Variants in NAALADL2 observed in about 807,000 individuals in gnomAD.
NAALADL2 encodes the protein inactive N-acetylated-alpha-linked acidic dipeptidase-like protein 2.
NAALADL2 carries 76 observed loss-of-function variants against 87.2 expected under a neutral mutation model. The ratio of observed to expected loss-of-function variants is 0.87; its 90% CI spans 0.72 to 1.05. The LOEUF (loss-of-function observed/expected upper bound fraction) is 1.05, where lower values mean the gene tolerates loss of function less well. Ranked by LOEUF, NAALADL2 falls within the 50% of genes least tolerant of loss-of-function variation. The pLI is 0.00. For synonymous variants in NAALADL2, 354 were observed against 331.0 expected (o/e 1.07, Z -0.75); for missense variants, 1,089 against 945.8 (o/e 1.15, Z -1.99).
At position 175,513,957 on chromosome 3, in the gene NAALADL2, C is replaced by T. The variant is rs7636264; in HGVS notation, c.1653+42199C>T. On this transcript the variant is annotated intron_variant, in intron 9 of 13. Transcript: ENST00000454872. ...GGGAGACAAAGCTAGACATAAGAAC[C>T]AGATGTGAGCAGTGAATCAACCACA... 4.6e-3 allele frequency among the ~76,000 whole-genome samples: 707 copies of T among 152,282 alleles called. 7 individuals are homozygous for T. The highest frequency in any genetic ancestry group is 0.017 in the Middle Eastern group (5 of 294).
At chr3:174,971,987 C>T (rs373293696) in intron 1 of NAALADL2, among the ~76,000 whole-genome samples, 5 of 152,118 alleles carry the variant, frequency 3.3e-5, no homozygotes, top group South Asian at 2.1e-4. Flanking sequence ...CATGAGCCAC[C>T]GCGTCCAGCC....
At chr3:175,673,817 C>T (rs975942740) in intron 11 of NAALADL2, among the ~76,000 whole-genome samples, 1 of 151,998 alleles carries the variant, frequency 6.6e-6, no homozygotes, top group African/African-American at 2.4e-5. Context: ...ATCCCAACTT[C>T]CCAACTATTA....
chr3:175,653,020 T>G (rs541140879), intron 11 of NAALADL2, among the ~76,000 whole-genome samples: 1 of 152,178 alleles, frequency 6.6e-6, no homozygotes, highest in Non-Finnish European at 1.5e-5. Flanking sequence ...ATTCTTACAA[T>G]AAAGCAAGCT....
At position 175,449,394 on chromosome 3, in the gene NAALADL2, C is replaced by CTTCTTTTTTTTTT. The variant is rs1212551637; in HGVS notation, c.1234+2024_1234+2025insCTTTTTTTTTTTT. Reference sequence around the variant, plus strand: ...TGCCTGGCCTAACATTAATTTTCTTCTTTTTTTTTTTTTTTTTTTGAGACA... The same window carrying CTTCTTTTTTTTTT: ...TGCCTGGCCTAACATTAATTTTCTTCTTCTTTTTTTTTTTTTTTTTTTTTTTTTTTTTGAGACA... On this transcript the variant is annotated intron_variant, in intron 6 of 13. Transcript: ENST00000454872. Among the ~76,000 whole-genome samples the CTTCTTTTTTTTTT allele has an allele frequency of 6.4e-4, 31 of 48,560 alleles. 1 individual carries two copies. Among genetic ancestry groups the CTTCTTTTTTTTTT allele is most frequent in the East Asian group, 4.3e-3 (5 of 1,158 alleles). The allele number at this position is 48,560 out of a possible 152,430, so 31.9% of individuals were successfully genotyped here.
chr3:175,532,006 C>A (rs1582278611), intron 9 of NAALADL2, among the ~76,000 whole-genome samples: 1 of 152,300 alleles, frequency 6.6e-6, no homozygotes, highest in East Asian at 1.9e-4. Context: ...TAAAGGCTTC[C>A]ATTCGGCCTT....
intron 1 of NAALADL2, among the ~76,000 whole-genome samples, chr3:174,867,166 G>C (rs1579270636): frequency 8.4e-6 from 1 of 118,384 alleles, no homozygotes; most frequent in Non-Finnish European, 1.9e-5. Flanking sequence ...AAATAAAAAA[G>C]GGGAAAGAAC....
chr3:174,486,501 T>G (rs1717869325), intron 1 of NAALADL2, among the ~76,000 whole-genome samples: 1 of 152,074 alleles, frequency 6.6e-6, no homozygotes, highest in Admixed American at 6.6e-5. Flanking sequence ...CCACTAGTTC[T>G]TGGGGAAGTT....
At chr3:174,705,714 C>T (rs929255118) in intron 2 of NAALADL2, among the ~76,000 whole-genome samples, 12 of 143,314 alleles carry the variant, frequency 8.4e-5, no homozygotes, top group African/African-American at 2.3e-4. Flanking sequence ...ACCCGGGAGG[C>T]GGAGCTTGCA....
chr3:174,840,690 A>G (rs929700669), intron 3 of NAALADL2, among the ~76,000 whole-genome samples: 1 of 152,096 alleles, frequency 6.6e-6, no homozygotes, highest in Admixed American at 6.6e-5. Flanking sequence ...TCAGCCTCTT[A>G]TCTTGAAAAA....
intron 2 of NAALADL2, among the ~76,000 whole-genome samples, chr3:174,723,900 C>G (rs529879355): frequency 2.8e-4 from 43 of 151,590 alleles, no homozygotes; most frequent in African/African-American, 7.5e-4. Context: ...CAAGGTTTGG[C>G]CGCTATTAGT....
intron 9 of NAALADL2, among the ~76,000 whole-genome samples, chr3:175,545,338 G>A (rs553633896): frequency 9.9e-5 from 15 of 152,160 alleles, no homozygotes; most frequent in African/African-American, 3.6e-4. Context: ...CTATAACTAT[G>A]TCTTTAAATA....
intron 1 of NAALADL2, among the ~76,000 whole-genome samples, chr3:174,453,327 A>T (rs1715607800): frequency 6.6e-6 from 1 of 152,168 alleles, no homozygotes; most frequent in African/African-American, 2.4e-5. Context: ...CTTGAAAGAG[A>T]TGGGGAGTAT....
intron 4 of NAALADL2, among the ~76,000 whole-genome samples, chr3:175,274,136 ACAAT>A (rs759297058): frequency 2.7e-4 from 41 of 152,190 alleles, no homozygotes; most frequent in Non-Finnish European, 5.3e-4. Flanking sequence ...GGGAGGCCTC[ACAAT>A]CAAGGCAGAT....
intron 1 of NAALADL2, among the ~76,000 whole-genome samples, chr3:174,933,627 G>A (rs999381410): frequency 6.6e-5 from 10 of 152,088 alleles, no homozygotes; most frequent in Admixed American, 6.6e-4. Context: ...CAATAAAATA[G>A]TTCAGTTAAA....
chr3:174,794,980 G>GTTTTTTT (rs1560232117), intron 3 of NAALADL2, among the ~76,000 whole-genome samples: 1 of 75,046 alleles, frequency 1.3e-5, no homozygotes, highest in Non-Finnish European at 2.8e-5. Context: ...TTCTAGTCCA[G>GTTTTTTT]CTTTTTTTTT....
intron 1 of NAALADL2, among the ~76,000 whole-genome samples, chr3:175,008,223 T>A (rs1452835993): frequency 5.3e-5 from 8 of 151,736 alleles, no homozygotes; most frequent in Non-Finnish European, 7.4e-5. Flanking sequence ...ACAAAAAAAA[T>A]TGAAAAATAA....
intron 1 of NAALADL2, among the ~76,000 whole-genome samples, chr3:175,057,134 A>G (rs962079879): frequency 2.6e-5 from 4 of 152,218 alleles, no homozygotes; most frequent in Admixed American, 2.0e-4. Context: ...GATGTTACTC[A>G]TTCAATAATA....
At chr3:175,463,942 A>G (rs115732665) in intron 7 of NAALADL2, among the ~76,000 whole-genome samples, 4,590 of 152,124 alleles carry the variant, frequency 0.03, 205 homozygotes, top group East Asian at 0.14. Flanking sequence ...CAATTCTTGT[A>G]CCTCATCCTC....
chr3:175,005,579 T>A (rs984478579), intron 1 of NAALADL2, among the ~76,000 whole-genome samples: 4 of 152,088 alleles, frequency 2.6e-5, no homozygotes, highest in African/African-American at 9.7e-5. Flanking sequence ...AGGTCTGTAG[T>A]CTACACAAAT....
Sources: gnomAD v4.1 joint callset for allele counts (sites outside exome capture counted in the v4.1 genomes callset) on GRCh38, gnomAD v4.1.1 for gene constraint, MANE v1.5 for transcripts, NCBI Gene and HGNC (gene_info 2026-07-23, HGNC 2026-07-21) for gene names.